Variants in TACR3 observed in about 807,000 individuals in gnomAD.
TACR3 encodes neuromedin-K receptor.
Under a neutral mutation model 35.0 loss-of-function variants are expected in TACR3, and 34 were observed. The ratio of observed to expected loss-of-function variants is 0.97; its 90% CI spans 0.74 to 1.30. The LOEUF (loss-of-function observed/expected upper bound fraction) is 1.30. Among genes scored for constraint, TACR3 ranks in the 50% most tolerant of loss-of-function variants. TACR3 has a pLI of 0.00. For missense variants in TACR3, 558 were observed against 591.7 expected, an observed-to-expected ratio of 0.94 and a Z score of 0.59; for synonymous variants, 233 against 221.1, an observed-to-expected ratio of 1.05 and a Z score of -0.48.
rs954422633 is a variant in TACR3 at position 103,698,550 on chromosome 4, C to CT, written c.548+20577dup. Among the ~76,000 whole-genome samples the CT allele has an allele frequency of 5.3e-5, 8 of 150,856 alleles. No individual in the cohort carries two copies. The South Asian group carries it at 8.4e-4, about 16-fold the overall frequency. The stretch of plus-strand genomic sequence containing the variant: ...GAGGATATTTTCTTTTCTTTTTTTT[C>CT]TTTTTTTGGTAAAATAAAGAACATT... On this transcript the variant is annotated intron_variant, in intron 1 of 4. Coordinates refer to ENST00000304883, the MANE Select transcript of TACR3 (RefSeq NM_001059.3).
chr4:103,601,847 T>A (rs900076108), intron 3 of TACR3, among the ~76,000 whole-genome samples: 1 of 152,210 alleles, frequency 6.6e-6, no homozygotes, highest in Non-Finnish European at 1.5e-5. Flanking sequence ...CTTTGGTGAA[T>A]CTGACAATTA....
Position 103,719,721 on chromosome 4 carries a change from GCC to G in TACR3, c.-48_-47del. 3 of 1,599,792 alleles carry G rather than the reference GCC, an allele frequency of 1.9e-6. No homozygotes were observed. Among genetic ancestry groups the G allele is most frequent in the Non-Finnish European group, 2.5e-6 (3 of 1,178,758 alleles). On this transcript the variant is annotated 5_prime_UTR_variant, in exon 1 of 5. Coordinates refer to ENST00000304883, the MANE Select transcript of TACR3 (RefSeq NM_001059.3). ...GGACCCTCCCACTCACCCACGGGCA[GCC>G]CAAGACGAGACTCCTCTGAAGTTCT...
At chr4:103,598,924 C>T (rs563732314) in intron 3 of TACR3, among the ~76,000 whole-genome samples, 3 of 152,086 alleles carry the variant, frequency 2.0e-5, no homozygotes, top group Non-Finnish European at 4.4e-5. Flanking sequence ...TTAGGACTGA[C>T]TTGGTGATGC....
chr4:103,617,243 A>AG, intron 3 of TACR3, among the ~76,000 whole-genome samples: 1 of 140,074 alleles, frequency 7.1e-6, no homozygotes, highest in Non-Finnish European at 1.6e-5. Context: ...GTATCTACAG[A>AG]AAAAGTTAGT....
intron 3 of TACR3, among the ~76,000 whole-genome samples, chr4:103,599,370 T>G (rs1724131453): frequency 6.6e-6 from 1 of 152,152 alleles, no homozygotes; most frequent in South Asian, 2.1e-4. Context: ...ACAATGGGGT[T>G]TTCTAGATAC....
At chr4:103,650,568 A>AT (rs1283383115) in intron 3 of TACR3, among the ~76,000 whole-genome samples, 1 of 123,820 alleles carries the variant, frequency 8.1e-6, no homozygotes, top group Non-Finnish European at 1.6e-5. Context: ...TAAAATAAAT[A>AT]TATAAAATAA....
chr4:103,634,537 T>C (rs957063952), intron 3 of TACR3, among the ~76,000 whole-genome samples: 1 of 152,080 alleles, frequency 6.6e-6, no homozygotes, highest in African/African-American at 2.4e-5. Flanking sequence ...AATGCATTGA[T>C]ATGAATCTCT....
intron 1 of TACR3, among the ~76,000 whole-genome samples, chr4:103,718,639 G>A (rs544656443): frequency 6.6e-6 from 1 of 152,264 alleles, no homozygotes; most frequent in East Asian, 1.9e-4. Context: ...CAAGACTAGG[G>A]AATAGGGAAG....
chr4:103,684,006 A>T (rs112461677), intron 1 of TACR3, among the ~76,000 whole-genome samples: 210 of 152,272 alleles, frequency 1.4e-3, no homozygotes, highest in African/African-American at 4.6e-3. Context: ...GATAACAGAA[A>T]AAAAATTTGA....
At chr4:103,626,414 ATTG>A (rs1048388622) in intron 3 of TACR3, among the ~76,000 whole-genome samples, 1 of 148,714 alleles carries the variant, frequency 6.7e-6, no homozygotes, top group Admixed American at 6.7e-5. Flanking sequence ...TTTTATTATT[ATTG>A]TTATTTTTTT....
intron 3 of TACR3, among the ~76,000 whole-genome samples, chr4:103,618,564 C>CTTTTTTTTTTTTTTTTTTTTTTTT (rs57837921): frequency 6.5e-5 from 4 of 61,446 alleles, no homozygotes; most frequent in African/African-American, 2.7e-4. Context: ...GTGACTTGGG[C>CTTTTTTTTTTTTTTTTTTTTTTTT]TTTTTTTTTT....
intron 3 of TACR3, among the ~76,000 whole-genome samples, chr4:103,604,439 A>C (rs746601323): frequency 2.6e-5 from 4 of 152,200 alleles, no homozygotes; most frequent in Non-Finnish European, 4.4e-5. Flanking sequence ...TAAAAACCCT[A>C]GAAGAAAACC....
chr4:103,658,130 G>T, intron 2 of TACR3, 85 bp downstream of exon 2: 1 of 1,315,610 alleles, frequency 7.6e-7, no homozygotes, highest in East Asian at 2.3e-5. Flanking sequence ...GGAAATGTCA[G>T]TCTTATTTAA....
intron 3 of TACR3, among the ~76,000 whole-genome samples, chr4:103,604,285 G>A (rs930352417): frequency 2.0e-5 from 3 of 152,270 alleles, no homozygotes; most frequent in East Asian, 1.9e-4. Flanking sequence ...AACAATCAAT[G>A]GGGAAAGGAT....
At chr4:103,590,609 T>C (rs183669374) in intron 4 of TACR3, among the ~76,000 whole-genome samples, 2 of 150,820 alleles carry the variant, frequency 1.3e-5, no homozygotes, top group African/African-American at 4.9e-5. Context: ...AAAGCAAGAG[T>C]TAATTAAGTA....
rs535599581 is a variant in TACR3 at position 103,597,847 on chromosome 4, T to A, written c.889-6164A>T. ...TGTGCCACATTTTCTTAATTCAGTC[T>A]ATTGTTTTTGGACATTTAAGTTGGT... On this transcript the variant is annotated intron_variant, in intron 3 of 4. Transcript: ENST00000304883. 2.6e-5 allele frequency among the ~76,000 whole-genome samples: 4 copies of A among 152,326 alleles called. No individual in the cohort carries two copies. In the East Asian group the frequency reaches 7.7e-4, roughly 29 times the overall value.
At chr4:103,656,142 T>C in intron 3 of TACR3, 52 bp downstream of exon 3, 1 of 1,607,372 alleles carries the variant, frequency 6.2e-7, no homozygotes, top group African/African-American at 1.3e-5. Context: ...TGCTTTTCTT[T>C]CTGATATACC....
intron 1 of TACR3, among the ~76,000 whole-genome samples, chr4:103,699,974 C>T (rs75227178): frequency 0.052 from 7,872 of 152,072 alleles, 709 homozygotes; most frequent in African/African-American, 0.18. Flanking sequence ...CATGGAATTA[C>T]GAGCCATATC....
At chr4:103,603,641 A>T (rs1215307384) in intron 3 of TACR3, among the ~76,000 whole-genome samples, 2 of 152,198 alleles carry the variant, frequency 1.3e-5, no homozygotes, top group East Asian at 3.8e-4. Flanking sequence ...ATACGTGTGC[A>T]TGTGTCTTTA....
Sources: allele counts gnomAD v4.1 joint callset (sites outside exome capture counted in the v4.1 genomes callset), GRCh38; gene constraint gnomAD v4.1.1; transcripts MANE v1.5; gene names NCBI Gene and HGNC (gene_info 2026-07-23, HGNC 2026-07-21).